Variants in DCC observed in about 807,000 individuals in gnomAD.
DCC encodes netrin receptor DCC.
Under a neutral mutation model 172.5 loss-of-function variants are expected in DCC, and 58 were observed. The ratio of observed to expected loss-of-function variants is 0.34; its 90% CI spans 0.27 to 0.42. The LOEUF is 0.42. DCC is among the 10% of genes least tolerant of loss of function. DCC has a pLI of 1.00. For synonymous variants in DCC, 709 were observed against 644.5 expected, an observed-to-expected ratio of 1.10 and a Z score of -1.52; for missense variants, 1,740 against 1,791.0, an observed-to-expected ratio of 0.97 and a Z score of 0.51.
At chr18:53,116,446 T>C (rs569064641) in intron 7 of DCC, among the ~76,000 whole-genome samples, 1 of 151,852 alleles carries the variant, frequency 6.6e-6, no homozygotes, top group Admixed American at 6.6e-5. Context: ...GAATCAGCCT[T>C]ATGTTCCGTG....
chr18:53,139,818 C>G (rs2043803531), intron 7 of DCC, among the ~76,000 whole-genome samples: 1 of 152,082 alleles, frequency 6.6e-6, no homozygotes, highest in African/African-American at 2.4e-5. Flanking sequence ...TCTTTATCCT[C>G]CAGGTCAGAA....
At chr18:52,423,220 T>C (rs1439778542) in intron 1 of DCC, among the ~76,000 whole-genome samples, 1 of 152,074 alleles carries the variant, frequency 6.6e-6, no homozygotes, top group Non-Finnish European at 1.5e-5. Context: ...AAGGCAGAAA[T>C]GCCCAAGAAA....
intron 1 of DCC, among the ~76,000 whole-genome samples, chr18:52,354,217 A>G (rs555892595): frequency 6.6e-6 from 1 of 152,288 alleles, no homozygotes; most frequent in South Asian, 2.1e-4. Flanking sequence ...GGACAGCCCC[A>G]GGTAAACTGG....
intron 2 of DCC, among the ~76,000 whole-genome samples, chr18:52,803,263 G>C (rs2038027167): frequency 6.6e-6 from 1 of 152,244 alleles, no homozygotes; most frequent in South Asian, 2.1e-4. Flanking sequence ...CTTTTTCCAT[G>C]ATAAACAATT....
chr18:53,362,189 G>A (rs192308713), intron 15 of DCC, among the ~76,000 whole-genome samples: 1 of 152,068 alleles, frequency 6.6e-6, no homozygotes, highest in East Asian at 1.9e-4. Context: ...AAAACTTTGG[G>A]GACGATTATT....
intron 1 of DCC, among the ~76,000 whole-genome samples, chr18:52,617,250 A>G (rs1436472156): frequency 6.6e-6 from 1 of 152,142 alleles, no homozygotes; most frequent in African/African-American, 2.4e-5. Flanking sequence ...TTAAAAACAA[A>G]ATAAAACTTA....
intron 6 of DCC, 100 bp downstream of exon 6, chr18:53,063,559 AGATTTTTTGTGATGTGTT>A: frequency 2.0e-6 from 2 of 1,009,292 alleles, no homozygotes; most frequent in Non-Finnish European, 3.0e-6. Context: ...TTCCTGTTGG[AGATTTTTTGTGATGTGTT>A]AAAAAAGTTA....
intron 1 of DCC, among the ~76,000 whole-genome samples, chr18:52,393,820 G>A (rs1338898131): frequency 6.6e-6 from 1 of 151,994 alleles, no homozygotes; most frequent in African/African-American, 2.4e-5. Flanking sequence ...CCAACCACAG[G>A]CCAATTACCT....
chr18:53,007,474 G>A (rs546394942), intron 5 of DCC, among the ~76,000 whole-genome samples: 1 of 152,182 alleles, frequency 6.6e-6, no homozygotes, highest in Non-Finnish European at 1.5e-5. Flanking sequence ...AGCTGAGGTA[G>A]CAACTGTGTT....
At chr18:53,209,984 T>C (rs571732544) in intron 11 of DCC, among the ~76,000 whole-genome samples, 9 of 152,336 alleles carry the variant, frequency 5.9e-5, no homozygotes, top group Admixed American at 4.6e-4. Flanking sequence ...TTCGTGACCC[T>C]AACCCCAATA....
At chr18:52,920,205 T>A (rs1317501809) in intron 3 of DCC, among the ~76,000 whole-genome samples, 3 of 151,962 alleles carry the variant, frequency 2.0e-5, no homozygotes, top group African/African-American at 7.2e-5. Flanking sequence ...AAGGAGAAGT[T>A]GATAAGTTGG....
intron 12 of DCC, among the ~76,000 whole-genome samples, chr18:53,249,241 T>C (rs948308347): frequency 2.0e-5 from 3 of 151,992 alleles, no homozygotes; most frequent in African/African-American, 7.2e-5. Flanking sequence ...AGTAAAAGTA[T>C]GTGTTTTTTT....
intron 1 of DCC, among the ~76,000 whole-genome samples, chr18:52,659,965 T>G (rs1035341526): frequency 1.3e-5 from 2 of 152,198 alleles, no homozygotes; most frequent in African/African-American, 4.8e-5. Flanking sequence ...AACCCAATGA[T>G]TAAGTGATTT....
intron 11 of DCC, among the ~76,000 whole-genome samples, chr18:53,210,578 T>A (rs2055734728): frequency 6.6e-6 from 1 of 152,182 alleles, no homozygotes; most frequent in Non-Finnish European, 1.5e-5. Context: ...CTGTGCAAAT[T>A]TCTGTATGCA....
rs577239699 is a variant in DCC at position 52,432,217 on chromosome 18, T to C, written c.91+91339T>C. On this transcript the variant is annotated intron_variant, in intron 1 of 28. Transcript: ENST00000442544. ...GTGTTGCACGTGTCTTGTTGGTTATTTAATAATGCATGGCTCTCATGATCA... is the reference window on the plus strand; with the variant it reads ...GTGTTGCACGTGTCTTGTTGGTTATCTAATAATGCATGGCTCTCATGATCA... Among the ~76,000 whole-genome samples, 279 of 152,260 alleles carry C rather than the reference T, an allele frequency of 1.8e-3. 1 individual carries two copies. Among genetic ancestry groups the C allele is most frequent in the African/African-American group, 6.4e-3 (265 of 41,562 alleles).
At chr18:53,306,276 T>A (rs879691813) in intron 13 of DCC, among the ~76,000 whole-genome samples, 3 of 152,216 alleles carry the variant, frequency 2.0e-5, no homozygotes, top group African/African-American at 7.2e-5. Context: ...TATATTTTTT[T>A]AAATTTTATA....
chr18:53,451,304 A>G (rs185239702), intron 23 of DCC, among the ~76,000 whole-genome samples: 11 of 152,366 alleles, frequency 7.2e-5, no homozygotes, highest in Non-Finnish European at 1.3e-4. Context: ...GCAGAGAATG[A>G]TACATCAAAG....
chr18:52,485,682 T>G (rs1347271894), intron 1 of DCC, among the ~76,000 whole-genome samples: 3 of 152,130 alleles, frequency 2.0e-5, no homozygotes, highest in African/African-American at 7.2e-5. Flanking sequence ...TATTTTATTA[T>G]ATTCCAGTGT....
chr18:52,657,422 C>G (rs907622103), intron 1 of DCC, among the ~76,000 whole-genome samples: 2 of 152,156 alleles, frequency 1.3e-5, no homozygotes, highest in African/African-American at 4.8e-5. Context: ...TGAGGGGCCC[C>G]TTAGGAGAGG....
Sources: allele counts gnomAD v4.1 joint callset (sites outside exome capture counted in the v4.1 genomes callset), GRCh38; gene constraint gnomAD v4.1.1; transcripts MANE v1.5; gene names NCBI Gene and HGNC (gene_info 2026-07-23, HGNC 2026-07-21).